LYSMD3: variants seen among roughly 807,000 people sequenced by gnomAD.
LYSMD3 encodes the protein LysM domain containing 3.
LYSMD3 carries 13 observed loss-of-function variants against 26.1 expected under a neutral mutation model. The ratio of observed to expected loss-of-function variants is 0.50; its 90% confidence interval spans 0.32 to 0.79. The LOEUF is 0.79. Among genes scored for constraint, LYSMD3 ranks in the 30% least tolerant of loss-of-function variants. The probability of loss-of-function intolerance (pLI) is 0.03; values close to 1 mark genes in which losing one functional copy is unlikely to be tolerated. For synonymous variants in LYSMD3, 109 were observed against 119.4 expected (o/e 0.91, Z 0.57); for missense variants, 331 against 362.5 (o/e 0.91, Z 0.71).
intron 2 of LYSMD3, among the ~76,000 whole-genome samples, chr5:90,524,540 G>A (rs778861444): frequency 6.6e-6 from 1 of 152,216 alleles, no homozygotes; most frequent in Non-Finnish European, 1.5e-5. Flanking sequence ...AGAAATTCAA[G>A]TATTTGTTAA....
rs535445084 is a variant in LYSMD3, at chr5:90,518,220, A to G, written c.*599T>C. The G allele has an allele frequency of 4.6e-5, 7 of 152,336 alleles. No individual in the cohort carries two copies. Among genetic ancestry groups the G allele is most frequent in the African/African-American group, 1.7e-4 (7 of 41,580 alleles). The allele number at this position is 152,336 out of a possible 1,614,324, so 9.4% of individuals were successfully genotyped here. A position where few individuals can be genotyped will look rare whatever the true frequency, so the allele number is the denominator to read the frequency against. On this transcript the variant is annotated 3_prime_UTR_variant, in exon 3 of 3. Transcript: ENST00000315948. Reference sequence around the variant, plus strand: ...ACTGACTTCCCAACCATAATACATTATTTTGGGGTCTTGAAAATATTTTAA... The same window carrying G: ...ACTGACTTCCCAACCATAATACATTGTTTTGGGGTCTTGAAAATATTTTAA...
intron 2 of LYSMD3, chr5:90,520,385 A>C (rs1753061761): frequency 2.2e-6 from 1 of 456,164 alleles, no homozygotes; most frequent in Non-Finnish European, 4.4e-6. Flanking sequence ...CAGAGAGATA[A>C]AGTGGGTCTA....
Position 90,519,447 on chromosome 5 carries a change from T to C in LYSMD3, c.293A>G (p.Asp98Gly), listed in dbSNP as rs1365069560. ...AGACCTAAGGGCAAAAAAGTCTTGA[T>C]CACTGATGAGATTGTTAACTCTCTT... is the stretch of plus-strand genomic sequence containing the variant. The part of the protein sequence containing the change: ...DIKRVNNLIS[D>G]QDFFALRSIK... The change falls in exon 3 of 3, where the codon GAT becomes GGT. Residue 98 changes from aspartate to glycine, a missense_variant. By Grantham distance (94) the Asp-to-Gly change is moderately conservative. Transcript: ENST00000315948. 3.1e-6 allele frequency: 5 copies of C among 1,613,468 alleles called. No homozygotes were observed. The highest frequency in any genetic ancestry group is 4.2e-6 in the Non-Finnish European group (5 of 1,179,900).
At chr5:90,529,233 G>A (rs964072860) in intron 1 of LYSMD3, 26 of 358,434 alleles carry the variant, frequency 7.3e-5, no homozygotes, top group Non-Finnish European at 1.4e-4. Context: ...CTTCCTCTGA[G>A]CCTCAGTTTC....
rs565414845 is a variant in LYSMD3, at chr5:90,524,807, TG to T, written c.255+227del. Among the ~76,000 whole-genome samples, 327 of 152,288 alleles carry T rather than the reference TG, an allele frequency of 2.1e-3. 1 individual carries two copies. Among genetic ancestry groups the T allele is most frequent in the African/African-American group, 7.6e-3 (316 of 41,568 alleles). ...CGGGGTTTCACTGTGTTAGCTAGGA[TG>T]GTCTCAAGCTCCTGACCTCGTGATC... On this transcript the variant is annotated intron_variant, in intron 2 of 2. Coordinates refer to ENST00000315948, the MANE Select transcript of LYSMD3 (RefSeq NM_198273.2).
At position 90,523,864 on chromosome 5, in the gene LYSMD3, A is replaced by C. The variant is rs141624723; in HGVS notation, c.255+1171T>G. Among the ~76,000 whole-genome samples, 248 of 152,330 alleles carry C rather than the reference A, an allele frequency of 1.6e-3. 1 individual carries two copies. Among genetic ancestry groups the C allele is most frequent in the Non-Finnish European group, 2.9e-3 (195 of 68,008 alleles). On this transcript the variant is annotated intron_variant, in intron 2 of 2. Coordinates refer to ENST00000315948, the MANE Select transcript of LYSMD3 (RefSeq NM_198273.2). Reference sequence around the variant, plus strand: ...GAGTATGAGAACAAAAAGTTTGAAAACAAATGTTCTAACCAGTTTCCATAT... The same window carrying C: ...GAGTATGAGAACAAAAAGTTTGAAACCAAATGTTCTAACCAGTTTCCATAT...
At position 90,519,385 on chromosome 5, in the gene LYSMD3, C is replaced by G. The variant is rs200104611; in HGVS notation, c.355G>C (p.Glu119Gln). Residue 119 changes from glutamate to glutamine, a missense_variant, in exon 3 of 3, where the codon GAA becomes CAA. By Grantham distance (29) the Glu-to-Gln change is conservative. Coordinates refer to ENST00000315948, the MANE Select transcript of LYSMD3 (RefSeq NM_198273.2). ...CTTCCTTTTGGAGGACAAAGTGTTT[C>G]GGTCAAGGAACTGAACTTTTTTACT... ...IPVKKFSSLT[E>Q]TLCPPKGRQT... is the part of the protein sequence containing the mutation. The G allele has an allele frequency of 6.2e-7, 1 of 1,613,766 alleles. No individual in the cohort carries two copies. The highest frequency in any genetic ancestry group is 8.5e-7 in the Non-Finnish European group (1 of 1,179,936).
intron 2 of LYSMD3, among the ~76,000 whole-genome samples, chr5:90,520,186 C>T (rs1163563556): frequency 6.6e-6 from 1 of 152,138 alleles, no homozygotes; most frequent in African/African-American, 2.4e-5. Context: ...ATTATACATT[C>T]CTCAACCTGT....
At chr5:90,527,175 C>A (rs491082) in intron 1 of LYSMD3, among the ~76,000 whole-genome samples, 86,137 of 151,930 alleles carry the variant, frequency 0.57, 24,701 homozygotes, top group African/African-American at 0.64. Flanking sequence ...AACTCCAAAA[C>A]TCTGAGTATA....
At chr5:90,527,257 A>C (rs1329262757) in intron 1 of LYSMD3, among the ~76,000 whole-genome samples, 1 of 152,236 alleles carries the variant, frequency 6.6e-6, no homozygotes, top group Admixed American at 6.5e-5. Flanking sequence ...ATACTCTGAA[A>C]TTTGAAATAC....
At chr5:90,524,083 T>C (rs1383038963) in intron 2 of LYSMD3, among the ~76,000 whole-genome samples, 1 of 152,160 alleles carries the variant, frequency 6.6e-6, no homozygotes, top group East Asian at 1.9e-4. Flanking sequence ...TGTGATGATA[T>C]TTGCCACACA....
chr5:90,520,566 G>A (rs13182165), intron 2 of LYSMD3: 162,224 of 448,294 alleles, frequency 0.36, 30,961 homozygotes, highest in Non-Finnish European at 0.42. Flanking sequence ...GTAGATATAT[G>A]TCTGAAACTC....
At chr5:90,523,475 G>A (rs1393810439) in intron 2 of LYSMD3, among the ~76,000 whole-genome samples, 3 of 151,718 alleles carry the variant, frequency 2.0e-5, no homozygotes, top group Non-Finnish European at 4.4e-5. Context: ...AGTATTACAG[G>A]TAATCAATAA....
rs1468262398 is a variant in LYSMD3 at position 90,518,879 on chromosome 5, T to C, written c.861A>G (p.Gln287=). The C allele has an allele frequency of 3.1e-6, 5 of 1,614,078 alleles. No homozygotes were observed. The South Asian group carries it at 5.5e-5, about 18-fold the overall frequency. The change falls in exon 3 of 3, where the codon CAA becomes CAG. Residue 287 remains glutamine, a synonymous_variant. Transcript: ENST00000315948. ...VPTKGIHFSQ[Q]DDHKLYSQDS... Reference sequence around the variant, plus strand: ...CTTGACTATACAGTTTATGATCATCTTGTTGGCTGAAATGTATTCCTTTAG... The same window carrying C: ...CTTGACTATACAGTTTATGATCATCCTGTTGGCTGAAATGTATTCCTTTAG...
rs987635047 is a variant in LYSMD3, at chr5:90,516,965, C to G, written c.*1854G>C. The G allele has an allele frequency of 6.6e-6, 1 of 152,430 alleles. No individual in the cohort carries two copies. Among genetic ancestry groups the G allele is most frequent in the African/African-American group, 2.4e-5 (1 of 41,422 alleles). 9.4% of individuals were successfully genotyped at this position (152,430 alleles called of 1,614,324 possible). A position where few individuals can be genotyped will look rare whatever the true frequency, so the allele number is the denominator to read the frequency against. ...CAAAGTTCTTCAAAGGACACCTGGC[C>G]TGTTTACCCTAAAATAATCTGCATT... On this transcript the variant is annotated 3_prime_UTR_variant, in exon 3 of 3. Coordinates refer to ENST00000315948, the MANE Select transcript of LYSMD3 (RefSeq NM_198273.2).
chr5:90,527,259 TTGAAATACTTTGAG>T (rs1753245615), intron 1 of LYSMD3, among the ~76,000 whole-genome samples: 1 of 152,190 alleles, frequency 6.6e-6, no homozygotes, highest in Non-Finnish European at 1.5e-5. Flanking sequence ...ACTCTGAAAT[TTGAAATACTTTGAG>T]TGCTGACATG....
rs200894296 is a variant in LYSMD3 at position 90,519,387 on chromosome 5, G to A, written c.353C>T (p.Thr118Ile). ...KIPVKKFSSL[T>I]ETLCPPKGRQ... The stretch of plus-strand genomic sequence containing the variant: ...TCCTTTTGGAGGACAAAGTGTTTCG[G>A]TCAAGGAACTGAACTTTTTTACTGG... Residue 118 changes from threonine to isoleucine, a missense_variant, in exon 3 of 3, where the codon ACC (threonine) becomes ATC (isoleucine). By Grantham distance (89) the Thr-to-Ile change is moderately conservative. Around this residue, in one of 3 missense-constraint regions of LYSMD3, gnomAD observed 262 missense variants for 267.3 expected, o/e 0.98. Transcript: ENST00000315948. 6.2e-7 allele frequency: 1 copy of A among 1,613,958 alleles called. No homozygotes were observed.
chr5:90,518,491 TAATA>T lies in LYSMD3; in HGVS notation c.*324_*327del. On this transcript the variant is annotated 3_prime_UTR_variant, in exon 3 of 3. Coordinates refer to ENST00000315948, the MANE Select transcript of LYSMD3 (RefSeq NM_198273.2). Reference sequence around the variant, plus strand: ...TCATTCTGCATCATAAATTTAACATTAATAAACTTTTTAAAAATTACTTAAAAAA... The same window carrying T: ...TCATTCTGCATCATAAATTTAACATTAACTTTTTAAAAATTACTTAAAAAA... The T allele has an allele frequency of 4.9e-6, 1 of 203,692 alleles. No homozygotes were observed. The highest frequency in any genetic ancestry group is 9.8e-6 in the Non-Finnish European group (1 of 102,004). The allele number at this position is 203,692 out of a possible 1,614,324, so 12.6% of individuals were successfully genotyped here.
In LYSMD3 at chr5:90,519,368, T is replaced by A. The variant is rs1298026456; in HGVS notation, c.372A>T (p.Pro124=). 1 of 1,614,038 alleles carries A rather than the reference T, an allele frequency of 6.2e-7. No individual in the cohort carries two copies. The highest frequency in any genetic ancestry group is 2.2e-5 in the East Asian group (1 of 44,886). Residue 124 remains proline, a synonymous_variant, in exon 3 of 3, where the codon CCA becomes CCT. Coordinates refer to ENST00000315948, the MANE Select transcript of LYSMD3 (RefSeq NM_198273.2). ...AATGACGTGAAGTCTGTCTTCCTTT[T>A]GGAGGACAAAGTGTTTCGGTCAAGG... ...FSSLTETLCP[P]KGRQTSRHSS...
Sources: allele counts gnomAD v4.1 joint callset (sites outside exome capture counted in the v4.1 genomes callset), GRCh38; gene constraint gnomAD v4.1.1; regional missense constraint gnomAD v4.1.1; transcripts MANE v1.5; gene names NCBI Gene and HGNC (gene_info 2026-07-23, HGNC 2026-07-21).